Variants in ANKRD62 observed in about 807,000 individuals in gnomAD.
The protein encoded by ANKRD62 is ankyrin repeat domain 62, also known as ankyrin repeat domain-containing protein 62.
ANKRD62 carries 61 observed loss-of-function variants against 98.8 expected under a neutral mutation model. That is an observed-to-expected ratio of 0.62 (90% CI 0.50 to 0.76). The LOEUF (loss-of-function observed/expected upper bound fraction) is 0.76, where lower values mean the gene tolerates loss of function less well. ANKRD62 is among the 30% of genes least tolerant of loss of function. The probability of loss-of-function intolerance (pLI) is 0.00; values close to 1 mark genes in which losing one functional copy is unlikely to be tolerated. For missense variants in ANKRD62, 933 were observed against 1,082.9 expected (o/e 0.86, Z 1.94); for synonymous variants, 341 against 367.9 (o/e 0.93, Z 0.84).
Position 12,097,681 on chromosome 18 carries a change from T to G in ANKRD62, c.656T>G (p.Val219Gly). 6.5e-7 allele frequency: 1 copy of G among 1,536,096 alleles called. No individual in the cohort carries two copies. The highest frequency in any genetic ancestry group is 8.7e-7 in the Non-Finnish European group (1 of 1,146,804). Residue 219 changes from valine to glycine, a missense_variant, in exon 5 of 14, where the codon GTA becomes GGA. Physicochemically the swap from Val to Gly is moderately radical, Grantham distance 109. Transcript: ENST00000587848. ...ILAARNGSTS[V>G]VYQLLQHNID... ...GCTGCTCGTAATGGATCAACAAGTG[T>G]AGTCTACCAGCTTCTTCAGCACAAT...
the ANKRD62 span, among the ~76,000 whole-genome samples, chr18:12,157,863 G>A: frequency 6.6e-6 from 1 of 152,236 alleles, no homozygotes; most frequent in Non-Finnish European, 1.5e-5. Context: ...TACAAGTGCT[G>A]CCAGTGGCCA....
chr18:12,122,617 G>A, intron 11 of ANKRD62, 101 bp downstream of exon 11: 2 of 975,052 alleles, frequency 2.1e-6, no homozygotes, highest in Non-Finnish European at 2.9e-6. Context: ...GTTTAATAGA[G>A]AAGAAAACCT....
downstream of ANKRD62, among the ~76,000 whole-genome samples, chr18:12,134,375 CT>C (rs930761019): frequency 7.3e-5 from 11 of 151,342 alleles, no homozygotes; most frequent in South Asian, 1.7e-3. Context: ...TCTGTTTTCC[CT>C]TTTTTTTTAT....
chr18:12,108,899 C>T (rs931687439), intron 8 of ANKRD62, among the ~76,000 whole-genome samples: 1 of 152,242 alleles, frequency 6.6e-6, no homozygotes, highest in African/African-American at 2.4e-5. Context: ...CTCCATTTCT[C>T]ACATCCAGGG....
intron 7 of ANKRD62, 64 bp from the exon 8 acceptor site, chr18:12,107,230 CA>C (rs1384586454): frequency 8.3e-7 from 1 of 1,204,562 alleles, no homozygotes; most frequent in Non-Finnish European, 1.1e-6. Flanking sequence ...TGAATGAACA[CA>C]AAAAAGTTCT....
intron 5 of ANKRD62, chr18:12,098,330 T>G (rs1851026548): frequency 6.6e-6 from 1 of 152,286 alleles, no homozygotes. Context: ...TAGGAAGCCA[T>G]TAGTCAGAAT....
At chr18:12,141,416 C>T in the ANKRD62 span, among the ~76,000 whole-genome samples, 3 of 152,312 alleles carry the variant, frequency 2.0e-5, no homozygotes, top group Admixed American at 6.5e-5. Flanking sequence ...AAAAATCACC[C>T]GTCTTCTGTG....
At chr18:12,118,010 A>T (rs1909701792) in intron 10 of ANKRD62, among the ~76,000 whole-genome samples, 2 of 152,136 alleles carry the variant, frequency 1.3e-5, no homozygotes, top group African/African-American at 4.8e-5. Flanking sequence ...CTCCCTCCTT[A>T]TCAGTAACCC....
the ANKRD62 span, among the ~76,000 whole-genome samples, chr18:12,135,860 C>T: frequency 6.6e-6 from 1 of 152,110 alleles, no homozygotes; most frequent in Admixed American, 6.6e-5. Flanking sequence ...AGTGTCTGTT[C>T]ATATCCTTTG....
the ANKRD62 span, among the ~76,000 whole-genome samples, chr18:12,146,825 C>G: frequency 5.3e-5 from 8 of 152,332 alleles, no homozygotes; most frequent in East Asian, 9.6e-4. Flanking sequence ...TTCAACTACC[C>G]CTGCCAGTGT....
At position 12,109,950 on chromosome 18, in the gene ANKRD62, CAAAAA is replaced by C. The variant is rs10588166; in HGVS notation, c.1064+2500_1064+2504del. On this transcript the variant is annotated intron_variant, in intron 8 of 13. Coordinates refer to ENST00000587848, the MANE Select transcript of ANKRD62 (RefSeq NM_001277333.2). The stretch of plus-strand genomic sequence containing the variant: ...ATAAAAGAATAGGTTTCACTGTTAC[CAAAAA>C]AAAAAAAAAAAAAAAACAGACAGAC... 2.4e-3 allele frequency among the ~76,000 whole-genome samples: 305 copies of C among 124,804 alleles called. 1 individual carries two copies. Among genetic ancestry groups the C allele is most frequent in the South Asian group, 9.5e-3 (36 of 3,792 alleles). 81.9% of individuals were successfully genotyped at this position (124,804 alleles called of 152,430 possible).
rs779811859 is a variant in ANKRD62, at chr18:12,107,475, T to G, written c.1064+8T>G. ...GAATGGCGAGTTTGATAGGTAATCCTGTAGCGATAGTTAACAGCGGATCAC... is the reference window on the plus strand; with the variant it reads ...GAATGGCGAGTTTGATAGGTAATCCGGTAGCGATAGTTAACAGCGGATCAC... On this transcript the variant is annotated splice_region_variant and intron_variant, in intron 8 of 13. Transcript: ENST00000587848. 1.3e-6 allele frequency: 2 copies of G among 1,483,940 alleles called. No homozygotes were observed. The highest frequency in any genetic ancestry group is 1.8e-6 in the Non-Finnish European group (2 of 1,122,498). The allele number at this position is 1,483,940 out of a possible 1,614,324, so 91.9% of individuals were successfully genotyped here.
the ANKRD62 span, among the ~76,000 whole-genome samples, chr18:12,138,012 A>AT: frequency 7.9e-5 from 12 of 152,028 alleles, no homozygotes; most frequent in Non-Finnish European, 1.5e-4. Context: ...GGATTCATTG[A>AT]TTTTTTGAAG....
At chr18:12,106,433 C>T (rs2143906159) in intron 7 of ANKRD62, among the ~76,000 whole-genome samples, 1 of 152,252 alleles carries the variant, frequency 6.6e-6, no homozygotes, top group East Asian at 1.9e-4. Flanking sequence ...CATTATGTTA[C>T]TTTCCCAGAG....
chr18:12,098,730 A>G (rs192167875), intron 5 of ANKRD62, among the ~76,000 whole-genome samples: 72 of 152,334 alleles, frequency 4.7e-4, no homozygotes, highest in African/African-American at 1.7e-3. Context: ...GTTAGTATGT[A>G]TCTCAGAAAT....
At chr18:12,163,410 G>A in the ANKRD62 span, among the ~76,000 whole-genome samples, 4 of 151,988 alleles carry the variant, frequency 2.6e-5, no homozygotes, top group African/African-American at 9.7e-5. Context: ...GTTTGTGTGT[G>A]AAGTCTTTAG....
rs1420408240 is a variant in ANKRD62 at position 12,115,469 on chromosome 18, A to G, written c.1175A>G (p.Glu392Gly). Residue 392 changes from glutamate (E) to glycine (G), a missense_variant, in exon 10 of 14, where the codon GAG (glutamate) becomes GGG (glycine). This residue lies in a region of ANKRD62 where 549 missense variants were observed against 587.9 expected (regional missense o/e 0.93). Transcript: ENST00000587848. ...TCTGAAAAAACCTCAGAGGATGATG[A>G]GTTGCCTTACTCTGATGATGAGAAT... The part of the protein sequence containing the change: ...GSSEKTSEDD[E>G]LPYSDDENFM... The G allele has an allele frequency of 6.5e-7, 1 of 1,537,534 alleles. No homozygotes were observed. The highest frequency in any genetic ancestry group is 8.7e-7 in the Non-Finnish European group (1 of 1,146,582).
chr18:12,102,704 G>T (rs566087073), intron 6 of ANKRD62: 6 of 1,037,192 alleles, frequency 5.8e-6, no homozygotes, highest in Admixed American at 1.0e-4. Context: ...AATGAACGGG[G>T]TGTATATGGA....
At chr18:12,134,874 T>C in the ANKRD62 span, among the ~76,000 whole-genome samples, 1,039 of 152,284 alleles carry the variant, frequency 6.8e-3, 10 homozygotes, top group African/African-American at 0.024. Flanking sequence ...TTATAATCCT[T>C]TGGGTATATA....
Sources: allele counts gnomAD v4.1 joint callset (sites outside exome capture counted in the v4.1 genomes callset), GRCh38; gene constraint gnomAD v4.1.1; regional missense constraint gnomAD v4.1.1; transcripts MANE v1.5; gene names NCBI Gene and HGNC (gene_info 2026-07-23, HGNC 2026-07-21).